The following CLPB variants were observed in gnomAD, a reference collection of about 807,000 sequenced individuals.
CLPB encodes ClpB family mitochondrial disaggregase.
Under a neutral mutation model 78.4 loss-of-function variants are expected in CLPB, and 40 were observed. The observed-to-expected ratio is 0.51, with a 90% CI of 0.40 to 0.66. CLPB has a LOEUF of 0.66. CLPB is among the 30% of genes least tolerant of loss of function. The pLI is 0.00. For synonymous variants in CLPB, 333 were observed against 348.0 expected (o/e 0.96, Z 0.48); for missense variants, 780 against 886.9 (o/e 0.88, Z 1.53).
chr11:72,419,197 T>C (rs1033122172), intron 2 of CLPB, among the ~76,000 whole-genome samples: 1 of 152,194 alleles, frequency 6.6e-6, no homozygotes, highest in Non-Finnish European at 1.5e-5. Flanking sequence ...GGAGAAAAAT[T>C]CCAGTTGGTT....
chr11:72,431,108 A>G (rs1428542095), intron 1 of CLPB, among the ~76,000 whole-genome samples: 1 of 152,232 alleles, frequency 6.6e-6, no homozygotes, highest in Non-Finnish European at 1.5e-5. Flanking sequence ...GGAGAAAAGC[A>G]ACGCTAGCTA....
At position 72,351,874 on chromosome 11, in the gene CLPB, C is replaced by T. The variant is rs546771271; in HGVS notation, c.775+7006G>A. 3.9e-5 allele frequency among the ~76,000 whole-genome samples: 6 copies of T among 152,226 alleles called. No homozygotes were observed. In the South Asian group the frequency reaches 8.3e-4, roughly 21 times the overall value. On this transcript the variant is annotated intron_variant, in intron 5 of 15. Coordinates refer to ENST00000538039, the MANE Select transcript of CLPB (RefSeq NM_001258392.3). ...GCAAGAGCCACCGCACCCAGCCTCCCCTCATTTTTTTTTAAAACCTGTTTC... is the reference window on the plus strand; with the variant it reads ...GCAAGAGCCACCGCACCCAGCCTCCTCTCATTTTTTTTTAAAACCTGTTTC...
Position 72,434,351 on chromosome 11 carries a change from G to A in CLPB, c.124C>T (p.Leu42Phe), listed in dbSNP as rs1235408184. Residue 42 changes from leucine (L) to phenylalanine (F), a missense_variant, in exon 1 of 16, where the codon CTC becomes TTC. Coordinates refer to ENST00000538039, the MANE Select transcript of CLPB (RefSeq NM_001258392.3). ...ASGRNVTTGS[L>F]GEPQWLRVAT... ...ACCCTCAGCCACTGCGGCTCCCCGA[G>A]ACTCCCAGTAGTCACATTCCGGCCG... 3.7e-6 allele frequency: 6 copies of A among 1,612,130 alleles called. No homozygotes were observed. Among genetic ancestry groups the A allele is most frequent in the African/African-American group, 2.7e-5 (2 of 74,922 alleles).
intron 11 of CLPB, among the ~76,000 whole-genome samples, chr11:72,298,314 C>T (rs1295023411): frequency 6.6e-6 from 1 of 152,198 alleles, no homozygotes. Context: ...GGTGCCCCTA[C>T]AACTCCTGGC....
intron 11 of CLPB, among the ~76,000 whole-genome samples, chr11:72,298,530 C>T (rs1949599103): frequency 6.6e-6 from 1 of 152,212 alleles, no homozygotes; most frequent in South Asian, 2.1e-4. Flanking sequence ...CAGGGTCTGG[C>T]TCTGTTGCCC....
chr11:72,410,417 T>C (rs768827716), intron 2 of CLPB, among the ~76,000 whole-genome samples: 2 of 152,148 alleles, frequency 1.3e-5, no homozygotes, highest in Non-Finnish European at 2.9e-5. Context: ...CTACTATATA[T>C]GTCACATAGG....
At chr11:72,416,805 C>T (rs1277729021) in intron 2 of CLPB, among the ~76,000 whole-genome samples, 1 of 149,152 alleles carries the variant, frequency 6.7e-6, no homozygotes, top group Non-Finnish European at 1.5e-5. Context: ...GGCCAATAAG[C>T]ACATAAAAAG....
chr11:72,300,564 G>A (rs868375126), intron 11 of CLPB, among the ~76,000 whole-genome samples: 1 of 152,146 alleles, frequency 6.6e-6, no homozygotes, highest in Non-Finnish European at 1.5e-5. Flanking sequence ...ACAACGGAAC[G>A]GGCAGGGGCA....
chr11:72,389,857 G>A (rs1179256351), intron 3 of CLPB, among the ~76,000 whole-genome samples: 5 of 152,046 alleles, frequency 3.3e-5, no homozygotes, highest in Non-Finnish European at 7.4e-5. Flanking sequence ...AGGCTGCAGT[G>A]AGCTGTGGTT....
At chr11:72,335,624 C>T (rs919151072) in intron 5 of CLPB, among the ~76,000 whole-genome samples, 1 of 152,222 alleles carries the variant, frequency 6.6e-6, no homozygotes, top group Non-Finnish European at 1.5e-5. Flanking sequence ...AGGTTGGGTA[C>T]CATCCTCTCT....
In CLPB at chr11:72,434,173, T is replaced by C; in HGVS notation, c.302A>G (p.Gln101Arg). ...GCTGGGGACCCCGTTCCAGCTGTCCTGTCCTGGGAGTGTTTCTTCGGGACC... is the reference window on the plus strand; with the variant it reads ...GCTGGGGACCCCGTTCCAGCTGTCCCGTCCTGGGAGTGTTTCTTCGGGACC... ...LPGPEETLPG[Q>R]DSWNGVPSRA... The change falls in exon 1 of 16, where the codon CAG (glutamine) becomes CGG (arginine). Residue 101 changes from glutamine (Q) to arginine (R), a missense_variant. Coordinates refer to ENST00000538039, the MANE Select transcript of CLPB (RefSeq NM_001258392.3). The C allele has an allele frequency of 1.9e-6, 3 of 1,613,280 alleles. No individual in the cohort carries two copies. Among genetic ancestry groups the C allele is most frequent in the East Asian group, 2.2e-5 (1 of 44,872 alleles).
chr11:72,391,885 G>A (rs2135048626), intron 3 of CLPB, among the ~76,000 whole-genome samples: 1 of 152,306 alleles, frequency 6.6e-6, no homozygotes, highest in South Asian at 2.1e-4. Flanking sequence ...AGGAAGGTTG[G>A]CTCACACTGA....
At chr11:72,424,694 G>A (rs991756885) in intron 2 of CLPB, among the ~76,000 whole-genome samples, 1 of 152,140 alleles carries the variant, frequency 6.6e-6, no homozygotes, top group Admixed American at 6.5e-5. Flanking sequence ...AGACCATCCT[G>A]GCTAACATGG....
chr11:72,304,402 T>C (rs1464934496), intron 9 of CLPB, among the ~76,000 whole-genome samples: 1 of 152,202 alleles, frequency 6.6e-6, no homozygotes, highest in Non-Finnish European at 1.5e-5. Flanking sequence ...TAGAGTACAG[T>C]TGGGATTTGA....
At chr11:72,371,083 A>C (rs1951032773) in intron 4 of CLPB, among the ~76,000 whole-genome samples, 2 of 151,596 alleles carry the variant, frequency 1.3e-5, no homozygotes, top group Non-Finnish European at 2.9e-5. Context: ...TTGTTTTTTG[A>C]GACAGGGTCT....
In CLPB at chr11:72,302,312, G is replaced by T. The variant is rs200203460; in HGVS notation, c.1159C>A (p.Arg387=). The T allele has an allele frequency of 1.1e-5, 17 of 1,613,870 alleles. No individual in the cohort carries two copies. Among genetic ancestry groups the T allele is most frequent in the Non-Finnish European group, 1.4e-5 (17 of 1,179,946 alleles). The change falls in exon 10 of 16, where the codon CGA becomes AGA. Residue 387 remains arginine, a synonymous_variant. Coordinates refer to ENST00000538039, the MANE Select transcript of CLPB (RefSeq NM_001258392.3). ...IRLDMSEFQE[R]HEVAKFIGSP... is the part of the protein sequence containing the mutation. ...GGACTGTCATCACTCACCTCGTGTC[G>T]CTCCTGGAACTCGGACATGTCCAGC... is the stretch of plus-strand genomic sequence containing the variant.
rs935092174 is a variant in CLPB, at chr11:72,288,420, T to G, written c.*4947A>C. The G allele has an allele frequency of 2.6e-5, 4 of 151,742 alleles. No individual in the cohort carries two copies. The highest frequency in any genetic ancestry group is 9.7e-5 in the African/African-American group (4 of 41,256). 9.4% of individuals were successfully genotyped at this position (151,742 alleles called of 1,614,324 possible). On this transcript the variant is annotated 3_prime_UTR_variant, in exon 16 of 16. Coordinates refer to ENST00000538039, the MANE Select transcript of CLPB (RefSeq NM_001258392.3). ...GCATGAGACCTGCTTGAACTGGAGG[T>G]GGAGGTTGCAGTGAGCCAAGATTGC...
At chr11:72,391,245 C>T (rs1855247641) in intron 3 of CLPB, among the ~76,000 whole-genome samples, 2 of 152,272 alleles carry the variant, frequency 1.3e-5, no homozygotes, top group African/African-American at 4.8e-5. Context: ...CACCTGCTGT[C>T]CCCTCCTTCA....
chr11:72,352,265 A>G (rs1300213246), intron 5 of CLPB, among the ~76,000 whole-genome samples: 1 of 152,196 alleles, frequency 6.6e-6, no homozygotes, highest in East Asian at 1.9e-4. Flanking sequence ...TCAGCTACTG[A>G]TAAACATTTT....
Sources: gnomAD v4.1 joint callset for allele counts (sites outside exome capture counted in the v4.1 genomes callset) on GRCh38, gnomAD v4.1.1 for gene constraint, MANE v1.5 for transcripts, NCBI Gene and HGNC (gene_info 2026-07-23, HGNC 2026-07-21) for gene names.